Variants in FBXO42 observed in about 807,000 individuals in gnomAD.
FBXO42 encodes F-box only protein 42.
A neutral mutation model predicts 71.7 loss-of-function variants in FBXO42; 12 were observed. The ratio of observed to expected loss-of-function variants is 0.17; its 90% CI spans 0.11 to 0.27. The LOEUF is 0.27. Among genes scored for constraint, FBXO42 ranks in the 10% least tolerant of loss-of-function variants. The pLI is 1.00. For missense variants in FBXO42, 707 were observed against 911.9 expected, an observed-to-expected ratio of 0.78 and a Z score of 2.89; for synonymous variants, 325 against 327.5, an observed-to-expected ratio of 0.99 and a Z score of 0.08.
chr1:16,343,041 C>T (rs1039544069), intron 1 of FBXO42, among the ~76,000 whole-genome samples: 3 of 152,160 alleles, frequency 2.0e-5, no homozygotes, highest in Admixed American at 1.3e-4. Context: ...CTAAATAAAC[C>T]TCTTTTCTTT....
intron 4 of FBXO42, among the ~76,000 whole-genome samples, chr1:16,269,107 C>CTT (rs111496206): frequency 1.5e-5 from 2 of 132,988 alleles, no homozygotes; most frequent in Non-Finnish European, 1.6e-5. Context: ...CCGCACCTGG[C>CTT]TTTTTTTTTT....
chr1:16,333,441 C>T (rs990285235), intron 1 of FBXO42, among the ~76,000 whole-genome samples: 2 of 137,202 alleles, frequency 1.5e-5, no homozygotes, highest in African/African-American at 5.3e-5. Context: ...GTGAGACCCC[C>T]CCCCCCCATT....
intron 2 of FBXO42, among the ~76,000 whole-genome samples, chr1:16,307,405 G>C (rs1177026169): frequency 6.6e-6 from 1 of 152,102 alleles, no homozygotes. Flanking sequence ...GGAGGCAGAG[G>C]AGGGAGGATC....
chr1:16,290,463 G>C (rs2082065943), intron 4 of FBXO42, among the ~76,000 whole-genome samples: 2 of 152,054 alleles, frequency 1.3e-5, no homozygotes, highest in East Asian at 3.9e-4. Flanking sequence ...AGGCTGAGGT[G>C]GGTGGATCAC....
At chr1:16,253,273 A>T in intron 7 of FBXO42, 121 bp from the exon 8 acceptor site, 1 of 767,728 alleles carries the variant, frequency 1.3e-6, no homozygotes, top group Non-Finnish European at 2.1e-6. Flanking sequence ...TAGTTACCAT[A>T]ACCTCTCCAT....
At chr1:16,331,324 A>T (rs2082498213) in intron 1 of FBXO42, among the ~76,000 whole-genome samples, 1 of 151,104 alleles carries the variant, frequency 6.6e-6, no homozygotes, top group Non-Finnish European at 1.5e-5. Context: ...GAGGCAGGAG[A>T]ATGGCGTGAA....
At chr1:16,290,837 G>C (rs1396055724) in intron 4 of FBXO42, among the ~76,000 whole-genome samples, 1 of 152,162 alleles carries the variant, frequency 6.6e-6, no homozygotes, top group Admixed American at 6.5e-5. Flanking sequence ...CCAGCCTCTA[G>C]AACTGTGAGA....
intron 3 of FBXO42, among the ~76,000 whole-genome samples, chr1:16,296,768 C>A (rs565378814): frequency 6.6e-6 from 1 of 151,916 alleles, no homozygotes; most frequent in Admixed American, 6.6e-5. Flanking sequence ...CAGTTTAGCA[C>A]ACCAATATTT....
chr1:16,308,436 T>C (rs1021321254), intron 2 of FBXO42, among the ~76,000 whole-genome samples: 3 of 151,426 alleles, frequency 2.0e-5, no homozygotes, highest in African/African-American at 7.3e-5. Context: ...TGCACAATGA[T>C]CCCACTTGTG....
At chr1:16,342,998 G>A (rs2082621362) in intron 1 of FBXO42, among the ~76,000 whole-genome samples, 1 of 152,138 alleles carries the variant, frequency 6.6e-6, no homozygotes, top group East Asian at 1.9e-4. Flanking sequence ...CCAGGGCCAT[G>A]GACTTGAACT....
At position 16,251,580 on chromosome 1, in the gene FBXO42, G is replaced by T; in HGVS notation, c.1244C>A (p.Ala415Asp). The change falls in exon 10 of 10, where the codon GCT becomes GAT. Residue 415 changes from alanine (A) to aspartate (D), a missense_variant. Around this residue, in one of 5 missense-constraint regions of FBXO42, gnomAD observed 482 missense variants for 587.1 expected, o/e 0.82. Transcript: ENST00000375592. This position sits in a 1 kb window ranked among gnomAD's most constrained non-coding sequence, Gnocchi z 4.5. ...NGRWGTLRPRAQRQTPSGSRE... is the reference protein window; with the variant it reads ...NGRWGTLRPRDQRQTPSGSRE... The stretch of plus-strand genomic sequence containing the variant: ...GGAACCTGAAGGAGTCTGCCTTTGA[G>T]CCCTGGGTCTCAGTGTTCCCCAGCG... 6.2e-7 allele frequency: 1 copy of T among 1,614,176 alleles called. No individual in the cohort carries two copies. The highest frequency in any genetic ancestry group is 8.5e-7 in the Non-Finnish European group (1 of 1,180,032).
In FBXO42 at chr1:16,352,418, C is replaced by G; in HGVS notation, c.-181G>C. 1 of 399,390 alleles carries G rather than the reference C, an allele frequency of 2.5e-6. No individual in the cohort carries two copies. Among genetic ancestry groups the G allele is most frequent in the Admixed American group, 4.4e-5 (1 of 22,600 alleles). The allele number at this position is 399,390 out of a possible 1,614,324, so 24.7% of individuals were successfully genotyped here. A position where few individuals can be genotyped will look rare whatever the true frequency, so the allele number is the denominator to read the frequency against. On this transcript the variant is annotated 5_prime_UTR_variant, in exon 1 of 10. Transcript: ENST00000375592. Reference sequence around the variant, plus strand: ...CCGAGCCGCCCGGAGCCGCCATCTTCCTCCACTCAAACGCCGCCGCCGCCG... The same window carrying G: ...CCGAGCCGCCCGGAGCCGCCATCTTGCTCCACTCAAACGCCGCCGCCGCCG...
At chr1:16,347,279 G>T (rs1326309401) in intron 1 of FBXO42, among the ~76,000 whole-genome samples, 1 of 151,988 alleles carries the variant, frequency 6.6e-6, no homozygotes, top group Non-Finnish European at 1.5e-5. Context: ...ACTTTGGGAG[G>T]CTGAGGCAGG....
chr1:16,306,082 G>C (rs1376270102), intron 2 of FBXO42, among the ~76,000 whole-genome samples, 163 bp from the exon 3 acceptor site: 2 of 151,846 alleles, frequency 1.3e-5, no homozygotes, highest in African/African-American at 4.8e-5. Context: ...GAGTGCAGTG[G>C]CACGATCTCG....
chr1:16,297,680 T>C (rs2082144658), intron 3 of FBXO42, among the ~76,000 whole-genome samples: 1 of 149,410 alleles, frequency 6.7e-6, no homozygotes. Context: ...GCTAACACAG[T>C]GGAAACCCCA....
intron 1 of FBXO42, among the ~76,000 whole-genome samples, chr1:16,318,600 C>G (rs193291261): frequency 9.7e-4 from 148 of 152,204 alleles, no homozygotes; most frequent in Admixed American, 8.2e-3. Context: ...TACACAAAGT[C>G]TGAGGTAAAA....
chr1:16,296,976 T>C (rs1441573456), intron 3 of FBXO42, among the ~76,000 whole-genome samples: 2 of 136,182 alleles, frequency 1.5e-5, no homozygotes, highest in Non-Finnish European at 3.1e-5. Context: ...TCTTGCTGTG[T>C]GGCCGAGGCT....
chr1:16,255,058 G>C (rs1180026089), intron 6 of FBXO42, among the ~76,000 whole-genome samples: 9 of 152,146 alleles, frequency 5.9e-5, no homozygotes, highest in Non-Finnish European at 1.3e-4. Flanking sequence ...AAGCCCAAAA[G>C]GGCAAGAGCT....
At chr1:16,323,093 T>C (rs1158070593) in intron 1 of FBXO42, among the ~76,000 whole-genome samples, 1 of 152,200 alleles carries the variant, frequency 6.6e-6, no homozygotes. Flanking sequence ...TAAAATGCAA[T>C]CAAACGTATT....
Sources: gnomAD v4.1 joint callset for allele counts (sites outside exome capture counted in the v4.1 genomes callset) on GRCh38, gnomAD v4.1.1 for gene constraint, gnomAD v4.1.1 regional missense constraint, Gnocchi (gnomAD v3.1) non-coding constraint, MANE v1.5 for transcripts, NCBI Gene and HGNC (gene_info 2026-07-23, HGNC 2026-07-21) for gene names.